DISC1: variants seen among roughly 807,000 people sequenced by gnomAD.
DISC1 encodes the protein DISC1 scaffold protein.
In DISC1, 57 loss-of-function variants were observed where a neutral mutation model predicts 84.5. That is an observed-to-expected ratio of 0.67 (90% confidence interval 0.55 to 0.84). The LOEUF (loss-of-function observed/expected upper bound fraction) is 0.84. DISC1 is among the 40% of genes least tolerant of loss of function. The pLI is 0.00. For synonymous variants in DISC1, 411 were observed against 415.2 expected (o/e 0.99, Z 0.12); for missense variants, 1,000 against 1,057.8 (o/e 0.95, Z 0.76).
intron 9 of DISC1, among the ~76,000 whole-genome samples, chr1:231,828,645 A>C (rs945841808): frequency 2.0e-5 from 3 of 152,242 alleles, no homozygotes; most frequent in Non-Finnish European, 4.4e-5. Context: ...ATGAATGAAA[A>C]ATGTTTATCA....
intron 3 of DISC1, chr1:231,722,785 G>T (rs1210010095): frequency 6.1e-6 from 9 of 1,466,222 alleles, no homozygotes; most frequent in Non-Finnish European, 8.1e-6. Flanking sequence ...CTGTCTGGAT[G>T]CTGGCCATGG....
At chr1:231,869,604 A>G (rs1351079006) in intron 9 of DISC1, among the ~76,000 whole-genome samples, 2 of 151,562 alleles carry the variant, frequency 1.3e-5, no homozygotes, top group African/African-American at 4.8e-5. Flanking sequence ...CTGGCCAGAG[A>G]GGAAGCAAGA....
chr1:231,655,530 G>C (rs767252333), intron 1 of DISC1, among the ~76,000 whole-genome samples: 4 of 152,072 alleles, frequency 2.6e-5, no homozygotes, highest in Non-Finnish European at 4.4e-5. Flanking sequence ...CCATAGCTTT[G>C]CAATTGTGAA....
At chr1:231,950,505 C>G (rs1229665637) in intron 9 of DISC1, among the ~76,000 whole-genome samples, 2 of 152,144 alleles carry the variant, frequency 1.3e-5, no homozygotes, top group Non-Finnish European at 2.9e-5. Context: ...AAGCATTTGA[C>G]AAAGGCACGT....
At chr1:231,854,301 T>C (rs2084106734) in intron 9 of DISC1, among the ~76,000 whole-genome samples, 1 of 152,192 alleles carries the variant, frequency 6.6e-6, no homozygotes, top group Admixed American at 6.5e-5. Context: ...GAGGGACAAC[T>C]GAAGTGATAT....
chr1:231,699,516 C>T (rs549846441), intron 2 of DISC1, among the ~76,000 whole-genome samples: 14 of 152,282 alleles, frequency 9.2e-5, no homozygotes, highest in African/African-American at 3.4e-4. Context: ...ATTAGCAAAT[C>T]CTGTTGGCTC....
chr1:231,942,589 T>C (rs779741413), intron 9 of DISC1, among the ~76,000 whole-genome samples: 4 of 152,034 alleles, frequency 2.6e-5, no homozygotes, highest in African/African-American at 4.8e-5. Flanking sequence ...TGCTTGGACC[T>C]GGGAGGCAGA....
chr1:231,737,864 A>G (rs1053140538), intron 3 of DISC1, among the ~76,000 whole-genome samples: 1 of 151,906 alleles, frequency 6.6e-6, no homozygotes, highest in Non-Finnish European at 1.5e-5. Context: ...TTTTATTTTT[A>G]TTTTTATTTT....
Position 231,640,528 on chromosome 1 carries a change from ATTTTTT to A in DISC1, c.67+13607_67+13612del, listed in dbSNP as rs58820518. Reference sequence around the variant, plus strand: ...TGTGGGCTCACCAGACCTCCTTGGTATTTTTTTTTTTTTTTTTTGAGACAAGGTCTC... The same window carrying A: ...TGTGGGCTCACCAGACCTCCTTGGTATTTTTTTTTTTTGAGACAAGGTCTC... On this transcript the variant is annotated intron_variant, in intron 1 of 12. Transcript: ENST00000439617. Among the ~76,000 whole-genome samples the A allele has an allele frequency of 2.8e-3, 372 of 133,286 alleles. 3 individuals carry two copies. The highest frequency in any genetic ancestry group is 9.9e-3 in the African/African-American group (353 of 35,496). The allele number at this position is 133,286 out of a possible 152,430, so 87.4% of individuals were successfully genotyped here.
intron 12 of DISC1, 65 bp downstream of exon 12, chr1:232,026,617 G>T (rs1669486585): frequency 1.5e-6 from 2 of 1,304,396 alleles, no homozygotes; most frequent in Admixed American, 2.0e-5. Context: ...TCTTTAAAGG[G>T]TAGTTTTTCA....
intron 2 of DISC1, among the ~76,000 whole-genome samples, chr1:231,697,584 C>T (rs371624468): frequency 6.6e-5 from 10 of 150,584 alleles, no homozygotes; most frequent in South Asian, 2.1e-4. Context: ...GGACTACAGG[C>T]GCATGCCACC....
At chr1:231,660,833 A>G (rs747898944) in intron 1 of DISC1, among the ~76,000 whole-genome samples, 35 of 152,288 alleles carry the variant, frequency 2.3e-4, no homozygotes, top group Non-Finnish European at 3.2e-4. Context: ...GTTATTTTGC[A>G]GACTTGTTTA....
At chr1:231,754,900 C>T (rs1181598637) in intron 4 of DISC1, among the ~76,000 whole-genome samples, 1 of 152,110 alleles carries the variant, frequency 6.6e-6, no homozygotes, top group Non-Finnish European at 1.5e-5. Context: ...CTTTTCCTTA[C>T]AGGAGTTGTC....
intron 4 of DISC1, among the ~76,000 whole-genome samples, chr1:231,758,717 C>T (rs2075369665): frequency 1.3e-5 from 2 of 152,172 alleles, no homozygotes; most frequent in African/African-American, 4.8e-5. Context: ...TGTCTTCCAT[C>T]CAATCAAAGG....
At chr1:231,814,193 T>C (rs1250572905) in intron 8 of DISC1, among the ~76,000 whole-genome samples, 1 of 152,198 alleles carries the variant, frequency 6.6e-6, no homozygotes, top group East Asian at 1.9e-4. Flanking sequence ...TAAAAGGAAG[T>C]GTTCTGGGGT....
chr1:231,794,663 G>A (rs1015134934), intron 6 of DISC1, among the ~76,000 whole-genome samples: 1 of 152,146 alleles, frequency 6.6e-6, no homozygotes, highest in African/African-American at 2.4e-5. Context: ...AAGTTCCAGT[G>A]GGAGAGAGAG....
intron 9 of DISC1, among the ~76,000 whole-genome samples, chr1:231,833,601 A>G (rs575363271): frequency 2.0e-5 from 3 of 149,616 alleles, no homozygotes; most frequent in Non-Finnish European, 2.9e-5. Context: ...CGCACAGATG[A>G]GACGCGGCTT....
intron 9 of DISC1, among the ~76,000 whole-genome samples, chr1:231,878,333 C>T (rs1434642087): frequency 5.9e-5 from 9 of 152,088 alleles, no homozygotes; most frequent in Non-Finnish European, 1.2e-4. Flanking sequence ...ACAGAGAGAC[C>T]GCCCTGAGGA....
In DISC1 at chr1:232,013,817, G is replaced by A. The variant is rs139492006; in HGVS notation, c.2307+4768G>A. 1.1e-3 allele frequency among the ~76,000 whole-genome samples: 170 copies of A among 152,278 alleles called. 1 individual carries two copies. Among genetic ancestry groups the A allele is most frequent in the Middle Eastern group, 0.01 (3 of 294 alleles). ...GGGCCTTCAAGGGAGAAGGAAGAGA[G>A]TGACCTTTCTAGGTTTTATGTTTGC... On this transcript the variant is annotated intron_variant, in intron 11 of 12. Transcript: ENST00000439617.
Sources: allele counts gnomAD v4.1 joint callset (sites outside exome capture counted in the v4.1 genomes callset), GRCh38; gene constraint gnomAD v4.1.1; transcripts MANE v1.5; gene names NCBI Gene and HGNC (gene_info 2026-07-23, HGNC 2026-07-21).